The following GRID2 variants were observed in gnomAD, a reference collection of about 807,000 sequenced individuals.
The protein encoded by GRID2 is glutamate receptor ionotropic, delta-2.
A neutral mutation model predicts 114.8 loss-of-function variants in GRID2; 33 were observed. That is an observed-to-expected ratio of 0.29 (90% CI 0.22 to 0.38). The LOEUF (loss-of-function observed/expected upper bound fraction) is 0.38. GRID2 is among the 10% of genes least tolerant of loss of function. GRID2 has a pLI of 1.00. For missense variants in GRID2, 1,184 were observed against 1,257.7 expected, an observed-to-expected ratio of 0.94 and a Z score of 0.89; for synonymous variants, 505 against 449.9, an observed-to-expected ratio of 1.12 and a Z score of -1.55.
chr4:93,701,368 A>G (rs915555328), intron 14 of GRID2, among the ~76,000 whole-genome samples: 4 of 152,180 alleles, frequency 2.6e-5, no homozygotes, highest in African/African-American at 4.8e-5. Context: ...AGAAAAACAA[A>G]TTAGTAAATT....
At chr4:92,646,419 C>A (rs1731627365) in intron 2 of GRID2, among the ~76,000 whole-genome samples, 1 of 152,202 alleles carries the variant, frequency 6.6e-6, no homozygotes, top group South Asian at 2.1e-4. Flanking sequence ...GTTTCTAATA[C>A]TGATAAACTT....
intron 1 of GRID2, among the ~76,000 whole-genome samples, chr4:92,419,686 A>G (rs1731798710): frequency 6.6e-6 from 1 of 152,008 alleles, no homozygotes; most frequent in Non-Finnish European, 1.5e-5. Flanking sequence ...CTTGAGAGGA[A>G]AAAGATAGCA....
chr4:92,857,803 C>T (rs1744274824), intron 2 of GRID2, among the ~76,000 whole-genome samples: 1 of 152,206 alleles, frequency 6.6e-6, no homozygotes. Context: ...AACATGCTAT[C>T]TAGGACTTTC....
intron 1 of GRID2, among the ~76,000 whole-genome samples, chr4:93,789,922 C>A (rs1230495810): frequency 2.6e-5 from 4 of 152,134 alleles, no homozygotes; most frequent in South Asian, 2.1e-4. Context: ...TGCCTGAGCT[C>A]CGCCTTTTGT....
At chr4:92,750,951 T>C (rs991247931) in intron 2 of GRID2, among the ~76,000 whole-genome samples, 1 of 152,186 alleles carries the variant, frequency 6.6e-6, no homozygotes, top group Non-Finnish European at 1.5e-5. Context: ...AATGAGATGA[T>C]TTCTAATGAT....
intron 14 of GRID2, among the ~76,000 whole-genome samples, chr4:93,737,437 G>A (rs911494167): frequency 3.3e-5 from 5 of 151,882 alleles, no homozygotes; most frequent in African/African-American, 1.2e-4. Flanking sequence ...TAAATGTTTG[G>A]GTTTCAGCTA....
At chr4:93,404,079 T>C (rs1186609690) in intron 9 of GRID2, among the ~76,000 whole-genome samples, 3 of 152,130 alleles carry the variant, frequency 2.0e-5, no homozygotes, top group Non-Finnish European at 4.4e-5. Context: ...GTGTGCAGCA[T>C]GGATGAACCT....
intron 2 of GRID2, among the ~76,000 whole-genome samples, chr4:92,960,112 T>C (rs985123125): frequency 3.9e-5 from 6 of 152,100 alleles, no homozygotes; most frequent in African/African-American, 1.4e-4. Context: ...TTTAATTTTA[T>C]TGTGGTCTGA....
At chr4:92,541,114 A>G (rs1725920845) in intron 1 of GRID2, among the ~76,000 whole-genome samples, 2 of 151,998 alleles carry the variant, frequency 1.3e-5, no homozygotes, top group Non-Finnish European at 1.5e-5. Flanking sequence ...GGACACAGGA[A>G]GGAGAACATC....
Position 93,554,464 on chromosome 4 carries a change from T to TA in GRID2, c.2193+39054dup, listed in dbSNP as rs1401894686. Among the ~76,000 whole-genome samples the TA allele has an allele frequency of 3.3e-5, 5 of 152,158 alleles. No homozygotes were observed. In the East Asian group the frequency reaches 9.6e-4, roughly 29 times the overall value. On this transcript the variant is annotated intron_variant, in intron 13 of 15. Coordinates refer to ENST00000282020, the MANE Select transcript of GRID2 (RefSeq NM_001510.4). ...ATTTTTTTAAATTTTTGGTTACAGATATATAATAAATGTACATGTTTATGG... is the reference window on the plus strand; with the variant it reads ...ATTTTTTTAAATTTTTGGTTACAGATAATATAATAAATGTACATGTTTATGG...
intron 2 of GRID2, among the ~76,000 whole-genome samples, chr4:92,805,501 A>G (rs760370857): frequency 6.6e-6 from 1 of 152,070 alleles, no homozygotes; most frequent in Non-Finnish European, 1.5e-5. Context: ...TACTTTTTAC[A>G]AATGTATATG....
chr4:92,447,531 C>T (rs958910516), intron 1 of GRID2, among the ~76,000 whole-genome samples: 1 of 152,196 alleles, frequency 6.6e-6, no homozygotes, highest in Non-Finnish European at 1.5e-5. Context: ...CCTATCTTTG[C>T]TTTATGAATA....
At chr4:93,170,412 G>A (rs11939921) in intron 4 of GRID2, among the ~76,000 whole-genome samples, 11,752 of 152,056 alleles carry the variant, frequency 0.077, 530 homozygotes, top group East Asian at 0.22. Flanking sequence ...AATAAACAAT[G>A]GAATCCAGTT....
At chr4:93,730,305 A>G (rs903955814) in intron 14 of GRID2, among the ~76,000 whole-genome samples, 1 of 152,206 alleles carries the variant, frequency 6.6e-6, no homozygotes, top group African/African-American at 2.4e-5. Flanking sequence ...CTCAGAAAAT[A>G]TGAGTGCAGC....
intron 8 of GRID2, among the ~76,000 whole-genome samples, chr4:93,371,385 C>T (rs1472353832): frequency 6.6e-6 from 1 of 151,804 alleles, no homozygotes; most frequent in African/African-American, 2.4e-5. Flanking sequence ...TGTTTTCCCT[C>T]TCAGGCAGAT....
At chr4:93,398,133 G>GTATATATATATATATATATATATATA (rs1553923238) in intron 9 of GRID2, among the ~76,000 whole-genome samples, 4 of 122,312 alleles carry the variant, frequency 3.3e-5, no homozygotes, top group African/African-American at 7.7e-5. Flanking sequence ...ATGTGTGTGT[G>GTATATATATATATATATATATATATA]TATATATATA....
chr4:93,725,613 G>C (rs918976517), intron 14 of GRID2, among the ~76,000 whole-genome samples: 5 of 150,254 alleles, frequency 3.3e-5, no homozygotes, highest in Admixed American at 3.3e-4. Context: ...GTGTAAAAGT[G>C]TTCCTATTTC....
At chr4:92,489,500 T>G (rs781764317) in intron 1 of GRID2, among the ~76,000 whole-genome samples, 3 of 151,730 alleles carry the variant, frequency 2.0e-5, no homozygotes, top group Admixed American at 6.6e-5. Flanking sequence ...ACAAGTTTAA[T>G]TGTCTTTGAT....
At chr4:92,427,029 A>G (rs535744285) in intron 1 of GRID2, among the ~76,000 whole-genome samples, 2 of 152,270 alleles carry the variant, frequency 1.3e-5, no homozygotes, top group African/African-American at 2.4e-5. Flanking sequence ...AATCTCACCT[A>G]CTAGGAACTC....
Sources: allele counts gnomAD v4.1 joint callset (sites outside exome capture counted in the v4.1 genomes callset), GRCh38; gene constraint gnomAD v4.1.1; transcripts MANE v1.5; gene names NCBI Gene and HGNC (gene_info 2026-07-23, HGNC 2026-07-21).